UBA3: variants seen among roughly 807,000 people sequenced by gnomAD.
UBA3 encodes ubiquitin like modifier activating enzyme 3, also known as NEDD8-activating enzyme E1 catalytic subunit.
In UBA3, 26 loss-of-function variants were observed where a neutral mutation model predicts 73.5. The observed-to-expected ratio is 0.35, with a 90% CI of 0.26 to 0.49. The LOEUF (loss-of-function observed/expected upper bound fraction) is 0.49, where lower values mean the gene tolerates loss of function less well. UBA3 is among the 20% of genes least tolerant of loss of function. UBA3 has a pLI of 0.98. For synonymous variants in UBA3, 217 were observed against 191.2 expected, an observed-to-expected ratio of 1.13 and a Z score of -1.11; for missense variants, 495 against 555.6, an observed-to-expected ratio of 0.89 and a Z score of 1.10.
At chr3:69,068,390 T>C (rs937587898) in intron 5 of UBA3, among the ~76,000 whole-genome samples, 8 of 152,076 alleles carry the variant, frequency 5.3e-5, no homozygotes, top group African/African-American at 1.9e-4. Context: ...GGCTGAAATA[T>C]ACACAATAAG....
At chr3:69,079,786 A>G in intron 2 of UBA3, 1 of 369,058 alleles carries the variant, frequency 2.7e-6, no homozygotes, top group Non-Finnish European at 4.9e-6. Context: ...GCCTTTTCAC[A>G]GGGTCACTGC....
Position 69,055,419 on chromosome 3 carries a change from A to G in UBA3, c.*18T>C, listed in dbSNP as rs1315323114. 2.1e-6 allele frequency: 3 copies of G among 1,455,724 alleles called. No homozygotes were observed. Among genetic ancestry groups the G allele is most frequent in the South Asian group, 1.5e-5 (1 of 66,350 alleles). 90.2% of individuals were successfully genotyped at this position (1,455,724 alleles called of 1,614,324 possible). On this transcript the variant is annotated 3_prime_UTR_variant, in exon 18 of 18. Transcript: ENST00000361055. ...AGTATATTATTTCCATGAGTTTTCT[A>G]TTATGTGGAGATTTTCCTTAAGAAG... is the stretch of plus-strand genomic sequence containing the variant.
In UBA3 at chr3:69,057,253, C is replaced by T; in HGVS notation, c.964+3G>A. 2.5e-6 allele frequency: 4 copies of T among 1,609,750 alleles called. No individual in the cohort carries two copies. Among genetic ancestry groups the T allele is most frequent in the Non-Finnish European group, 3.4e-6 (4 of 1,179,038 alleles). ...AACTAAGTGATGGCCTTTTCTTCCT[C>T]ACCTGCAATGACTGCATTTGTGGAA... On this transcript the variant is annotated splice_donor_region_variant and intron_variant, in intron 12 of 17. Coordinates refer to ENST00000361055, the MANE Select transcript of UBA3 (RefSeq NM_003968.4).
chr3:69,070,021 G>C (rs1390256126), intron 5 of UBA3, among the ~76,000 whole-genome samples: 1 of 152,130 alleles, frequency 6.6e-6, no homozygotes, highest in African/African-American at 2.4e-5. Context: ...TTGAACACAA[G>C]AACCTACCCT....
At chr3:69,060,875 T>G (rs1204401607) in intron 11 of UBA3, among the ~76,000 whole-genome samples, 1 of 152,210 alleles carries the variant, frequency 6.6e-6, no homozygotes, top group African/African-American at 2.4e-5. Flanking sequence ...TGACATGCCT[T>G]GCCATCCCCC....
At position 69,077,808 on chromosome 3, in the gene UBA3, G is replaced by T. The variant is rs751219527; in HGVS notation, c.173C>A (p.Pro58Gln). The T allele has an allele frequency of 1.9e-5, 30 of 1,612,544 alleles. No homozygotes were observed. The highest frequency in any genetic ancestry group is 1.7e-5 in the Non-Finnish European group (20 of 1,179,256). The change falls in exon 3 of 18, where the codon CCG (proline) becomes CAG (glutamine). Residue 58 changes from proline (P) to glutamine (Q), a missense_variant. Coordinates refer to ENST00000361055, the MANE Select transcript of UBA3 (RefSeq NM_003968.4). The part of the protein sequence containing the change: ...SGPFTHPDFE[P>Q]STESLQFLLD... ...ATAAACGTTTCTCACTTCAGTGCTCGGTTCGAAATCAGGGTGTGTGAAGGG... is the reference window on the plus strand; with the variant it reads ...ATAAACGTTTCTCACTTCAGTGCTCTGTTCGAAATCAGGGTGTGTGAAGGG...
chr3:69,069,910 A>C (rs1055021132), intron 5 of UBA3, among the ~76,000 whole-genome samples: 5 of 152,216 alleles, frequency 3.3e-5, no homozygotes, highest in Admixed American at 6.5e-5. Flanking sequence ...CTGTTTGTTA[A>C]TTTACCATTC....
intron 4 of UBA3, among the ~76,000 whole-genome samples, chr3:69,074,916 A>C (rs1160550075): frequency 6.6e-6 from 1 of 152,182 alleles, no homozygotes; most frequent in Non-Finnish European, 1.5e-5. Context: ...CACTTAACTA[A>C]GAACTGATGA....
At chr3:69,078,548 A>C (rs1223259466) in intron 2 of UBA3, among the ~76,000 whole-genome samples, 1 of 152,120 alleles carries the variant, frequency 6.6e-6, no homozygotes, top group Admixed American at 6.5e-5. Flanking sequence ...ACTGCAGCTC[A>C]CTGCAGCCTT....
chr3:69,077,758 A>T (rs780151081), intron 3 of UBA3, 40 bp downstream of exon 3: 1 of 1,551,854 alleles, frequency 6.4e-7, no homozygotes, highest in Non-Finnish European at 8.7e-7. Flanking sequence ...TTGAAACATA[A>T]AACTATTAGA....
Position 69,057,377 on chromosome 3 carries a change from G to T in UBA3, c.911-68C>A, listed in dbSNP as rs571815748. The T allele has an allele frequency of 2.2e-6, 3 of 1,381,084 alleles. No individual in the cohort carries two copies. In the African/African-American group the frequency reaches 4.4e-5, roughly 20 times the overall value. 85.6% of individuals were successfully genotyped at this position (1,381,084 alleles called of 1,614,324 possible). The stretch of plus-strand genomic sequence containing the variant: ...TAAAAGAGTTCTCTTAAATTAGAAG[G>T]CATGATTATTAAATACCATTTTCTA... On this transcript the variant is annotated intron_variant, in intron 11 of 17. Transcript: ENST00000361055.
At chr3:69,074,380 C>T (rs1419444380) in intron 4 of UBA3, among the ~76,000 whole-genome samples, 2 of 152,092 alleles carry the variant, frequency 1.3e-5, no homozygotes, top group Non-Finnish European at 2.9e-5. Context: ...TGAGATTTAT[C>T]TCCCCAATGA....
intron 7 of UBA3, 112 bp downstream of exon 7, chr3:69,063,956 G>T: frequency 1.1e-6 from 1 of 910,796 alleles, no homozygotes; most frequent in East Asian, 2.6e-5. Context: ...CCAACAGTGA[G>T]AGAGGAAAGC....
intron 11 of UBA3, among the ~76,000 whole-genome samples, chr3:69,058,385 A>C (rs935878969): frequency 4.6e-5 from 7 of 152,236 alleles, no homozygotes; most frequent in Non-Finnish European, 1.0e-4. Flanking sequence ...AAACACTGTA[A>C]GATGTGTTCC....
intron 6 of UBA3, among the ~76,000 whole-genome samples, chr3:69,065,867 G>A (rs190037070): frequency 6.6e-6 from 1 of 151,582 alleles, no homozygotes; most frequent in Non-Finnish European, 1.5e-5. Flanking sequence ...GGTGGTCTTA[G>A]TTTGATGTGA....
At chr3:69,074,334 A>G (rs2092146504) in intron 4 of UBA3, among the ~76,000 whole-genome samples, 5 of 152,212 alleles carry the variant, frequency 3.3e-5, no homozygotes, top group Admixed American at 2.6e-4. Context: ...GCATTCCACC[A>G]CAGAGTATAT....
rs752798269 is a variant in UBA3 at position 69,057,339 on chromosome 3, C to G, written c.911-30G>C. On this transcript the variant is annotated intron_variant, in intron 11 of 17. Coordinates refer to ENST00000361055, the MANE Select transcript of UBA3 (RefSeq NM_003968.4). ...AAAAACATATCAATTAAAATATGGT[C>G]ATTTCTTTAAAATAAAAGAGTTCTC... 28 of 1,577,926 alleles carry G rather than the reference C, an allele frequency of 1.8e-5. No individual in the cohort carries two copies. In the African/African-American group the frequency reaches 3.7e-4, roughly 21 times the overall value.
At chr3:69,070,516 T>A (rs925017410) in intron 5 of UBA3, among the ~76,000 whole-genome samples, 1 of 152,308 alleles carries the variant, frequency 6.6e-6, no homozygotes, top group East Asian at 1.9e-4. Context: ...AAAGTCCTTA[T>A]CTCTGTGTAT....
At chr3:69,063,239 A>G in intron 8 of UBA3, 102 bp from the exon 9 acceptor site, 2 of 1,434,708 alleles carry the variant, frequency 1.4e-6, no homozygotes, top group Non-Finnish European at 1.9e-6. Context: ...GCTATTGAAT[A>G]CCAATGTATC....
Sources: allele counts gnomAD v4.1 joint callset (sites outside exome capture counted in the v4.1 genomes callset), GRCh38; gene constraint gnomAD v4.1.1; transcripts MANE v1.5; gene names NCBI Gene and HGNC (gene_info 2026-07-23, HGNC 2026-07-21).